COL22A1: variants seen among roughly 807,000 people sequenced by gnomAD.
The protein encoded by COL22A1 is collagen alpha-1(XXII) chain.
In COL22A1, 221 loss-of-function variants were observed where a neutral mutation model predicts 248.9. The observed-to-expected ratio is 0.89, with a 90% CI of 0.80 to 0.99. The LOEUF is 0.99. Among genes scored for constraint, COL22A1 ranks in the 50% least tolerant of loss-of-function variants. The pLI, the probability that COL22A1 is intolerant of heterozygous loss-of-function variation, is 0.00. For synonymous variants in COL22A1, 891 were observed against 793.4 expected (o/e 1.12, Z -2.07); for missense variants, 2,240 against 2,179.0 (o/e 1.03, Z -0.56).
At chr8:138,663,798 A>T in intron 41 of COL22A1, 58 bp from the exon 42 acceptor site, 1 of 1,339,262 alleles carries the variant, frequency 7.5e-7, no homozygotes, top group South Asian at 1.2e-5. Context: ...GATGTAAACA[A>T]GCTATGGTGT....
chr8:138,743,237 ATGG>A (rs1425399022), intron 22 of COL22A1, among the ~76,000 whole-genome samples: 3 of 145,248 alleles, frequency 2.1e-5, no homozygotes, highest in Non-Finnish European at 4.5e-5. Flanking sequence ...AGCGATTGTG[ATGG>A]TGGAGTTGAT....
intron 57 of COL22A1, among the ~76,000 whole-genome samples, chr8:138,607,688 G>A (rs1469943141): frequency 6.6e-6 from 1 of 151,898 alleles, no homozygotes; most frequent in Non-Finnish European, 1.5e-5. Flanking sequence ...GTTTGTTTTG[G>A]GTGCCTATGG....
At chr8:138,612,820 C>T (rs1349334997) in intron 56 of COL22A1, among the ~76,000 whole-genome samples, 2 of 151,586 alleles carry the variant, frequency 1.3e-5, no homozygotes, top group African/African-American at 4.9e-5. Context: ...CCTGTAATCC[C>T]AGCTACTTGG....
rs1056644852 is a variant in COL22A1, at chr8:138,689,114, TC to T, written c.2809-145del. The T allele has an allele frequency of 1.4e-5, 8 of 587,244 alleles. No homozygotes were observed. The African/African-American group carries it at 1.5e-4, about 11-fold the overall frequency. The allele number at this position is 587,244 out of a possible 1,614,324, so 36.4% of individuals were successfully genotyped here. On this transcript the variant is annotated intron_variant, in intron 36 of 64. Transcript: ENST00000303045. ...CCCAATTCCCATACTTTATTTAAATTCCCCAAAGCTCCACCTCCTCCCTGCC... is the reference window on the plus strand; with the variant it reads ...CCCAATTCCCATACTTTATTTAAATTCCCAAAGCTCCACCTCCTCCCTGCC...
At chr8:138,600,712 A>C (rs1410956425) in intron 60 of COL22A1, among the ~76,000 whole-genome samples, 1 of 152,198 alleles carries the variant, frequency 6.6e-6, no homozygotes, top group Non-Finnish European at 1.5e-5. Flanking sequence ...TTCAACAATA[A>C]CCCAAAATCA....
At chr8:138,605,858 G>A (rs1448204150) in intron 58 of COL22A1, among the ~76,000 whole-genome samples, 1 of 152,142 alleles carries the variant, frequency 6.6e-6, no homozygotes, top group East Asian at 1.9e-4. Context: ...AAGCTGGAGT[G>A]CAAACCTACC....
intron 3 of COL22A1, among the ~76,000 whole-genome samples, chr8:138,854,862 T>A (rs1353400138): frequency 4.0e-5 from 6 of 150,994 alleles, no homozygotes; most frequent in Non-Finnish European, 8.9e-5. Context: ...GTGGATGAGG[T>A]GGTGCTGATG....
At chr8:138,653,291 A>G (rs1017828757) in intron 45 of COL22A1, among the ~76,000 whole-genome samples, 6 of 152,120 alleles carry the variant, frequency 3.9e-5, no homozygotes, top group African/African-American at 7.2e-5. Context: ...CCGAATCTCT[A>G]TGTGACAGGC....
chr8:138,762,506 G>T, intron 16 of COL22A1, 40 bp from the exon 17 acceptor site: 1 of 1,598,354 alleles, frequency 6.3e-7, no homozygotes, highest in South Asian at 1.1e-5. Context: ...AGAGGTTAGT[G>T]ACCACAGGCA....
chr8:138,894,718 A>T (rs1344785464), intron 1 of COL22A1, among the ~76,000 whole-genome samples: 1 of 152,196 alleles, frequency 6.6e-6, no homozygotes, highest in Non-Finnish European at 1.5e-5. Flanking sequence ...GAGAAGCCCC[A>T]TATGTCCCAT....
chr8:138,711,849 G>T (rs1189302571), intron 30 of COL22A1, among the ~76,000 whole-genome samples: 1 of 152,210 alleles, frequency 6.6e-6, no homozygotes, highest in Non-Finnish European at 1.5e-5. Context: ...TCCTGAGGCA[G>T]CCCCAGGGCA....
At chr8:138,710,101 T>C (rs1348992727) in intron 30 of COL22A1, among the ~76,000 whole-genome samples, 1 of 152,208 alleles carries the variant, frequency 6.6e-6, no homozygotes, top group Non-Finnish European at 1.5e-5. Flanking sequence ...TTATTTTACC[T>C]ACTTTGGCAT....
At chr8:138,682,307 T>C (rs921694285) in intron 39 of COL22A1, among the ~76,000 whole-genome samples, 4 of 152,196 alleles carry the variant, frequency 2.6e-5, no homozygotes, top group Non-Finnish European at 5.9e-5. Flanking sequence ...CCAGCTGACT[T>C]AGAAAGTGGC....
intron 11 of COL22A1, among the ~76,000 whole-genome samples, chr8:138,798,929 T>C (rs1354089889): frequency 6.6e-6 from 1 of 152,226 alleles, no homozygotes; most frequent in East Asian, 1.9e-4. Flanking sequence ...AATACTTTTC[T>C]GCTCCTTTCT....
intron 16 of COL22A1, among the ~76,000 whole-genome samples, chr8:138,773,226 C>T (rs1016443449): frequency 6.6e-6 from 1 of 152,200 alleles, no homozygotes; most frequent in African/African-American, 2.4e-5. Context: ...GTGGCCTTCC[C>T]CTGACAGGCT....
At chr8:138,731,072 C>T (rs777971746) in intron 23 of COL22A1, among the ~76,000 whole-genome samples, 5 of 152,006 alleles carry the variant, frequency 3.3e-5, no homozygotes, top group East Asian at 1.9e-4. Context: ...GAGGCCGAGG[C>T]GGGCAGATCA....
intron 5 of COL22A1, among the ~76,000 whole-genome samples, chr8:138,827,717 C>T (rs1023972366): frequency 1.3e-5 from 2 of 151,626 alleles, no homozygotes. Flanking sequence ...GGCTCAATCC[C>T]CCCCACCGAG....
intron 11 of COL22A1, among the ~76,000 whole-genome samples, chr8:138,801,114 C>A (rs1816962040): frequency 6.6e-6 from 1 of 152,172 alleles, no homozygotes; most frequent in African/African-American, 2.4e-5. Context: ...TTTCTGCACA[C>A]AACAGGTGCT....
At chr8:138,803,493 C>T (rs1337064839) in intron 10 of COL22A1, among the ~76,000 whole-genome samples, 4 of 152,006 alleles carry the variant, frequency 2.6e-5, no homozygotes, top group Admixed American at 2.0e-4. Flanking sequence ...GCACAATGTG[C>T]ACATGTACCC....
Sources: gnomAD v4.1 joint callset for allele counts (sites outside exome capture counted in the v4.1 genomes callset) on GRCh38, gnomAD v4.1.1 for gene constraint, MANE v1.5 for transcripts, NCBI Gene and HGNC (gene_info 2026-07-23, HGNC 2026-07-21) for gene names.